ASIC2: variants seen among roughly 807,000 people sequenced by gnomAD.
ASIC2 encodes acid sensing ion channel subunit 2.
A neutral mutation model predicts 57.3 loss-of-function variants in ASIC2; 25 were observed. That is an observed-to-expected ratio of 0.44 (90% CI 0.32 to 0.61). ASIC2 has a LOEUF of 0.61. Among genes scored for constraint, ASIC2 ranks in the 20% least tolerant of loss-of-function variants. The probability of loss-of-function intolerance (pLI) is 0.06; values close to 1 mark genes in which losing one functional copy is unlikely to be tolerated. For synonymous variants in ASIC2, 319 were observed against 307.5 expected (o/e 1.04, Z -0.39); for missense variants, 641 against 738.1 (o/e 0.87, Z 1.52).
chr17:33,111,847 A>T, intron 2 of ASIC2, 70 bp downstream of exon 2: 1 of 1,540,120 alleles, frequency 6.5e-7, no homozygotes, highest in Non-Finnish European at 8.8e-7. Flanking sequence ...AAGACAGCTC[A>T]CCAGCCTTTC....
chr17:33,583,415 A>T (rs34479288), intron 1 of ASIC2, among the ~76,000 whole-genome samples: 43,594 of 151,946 alleles, frequency 0.29, 6,834 homozygotes, highest in African/African-American at 0.39. Context: ...TTATGTGTGG[A>T]CATTTCTCTG....
At chr17:33,220,838 C>A (rs1907662669) in intron 1 of ASIC2, among the ~76,000 whole-genome samples, 1 of 151,982 alleles carries the variant, frequency 6.6e-6, no homozygotes, top group African/African-American at 2.4e-5. Context: ...GGGGCCGAGG[C>A]GGGAAAATTG....
chr17:33,922,954 G>A (rs1186945972), intron 1 of ASIC2, among the ~76,000 whole-genome samples: 4 of 152,130 alleles, frequency 2.6e-5, no homozygotes, highest in African/African-American at 2.4e-5. Flanking sequence ...CCTCTAGAGC[G>A]CATTTGCTCC....
At chr17:33,557,696 A>C (rs900013004) in intron 1 of ASIC2, among the ~76,000 whole-genome samples, 2 of 152,196 alleles carry the variant, frequency 1.3e-5, no homozygotes, top group African/African-American at 4.8e-5. Flanking sequence ...ATATGATAAC[A>C]CCAATGATCT....
At chr17:33,645,291 A>G (rs1479784606) in intron 1 of ASIC2, among the ~76,000 whole-genome samples, 7 of 152,204 alleles carry the variant, frequency 4.6e-5, no homozygotes, top group Non-Finnish European at 1.0e-4. Flanking sequence ...CAGAGATGAC[A>G]AGAAAAAATG....
intron 1 of ASIC2, among the ~76,000 whole-genome samples, chr17:33,996,260 C>G (rs1466036223): frequency 6.6e-6 from 1 of 152,174 alleles, no homozygotes; most frequent in Non-Finnish European, 1.5e-5. Context: ...AACCCCTTAT[C>G]AGATGTATGG....
At chr17:33,359,023 C>T (rs1277016305) in intron 1 of ASIC2, among the ~76,000 whole-genome samples, 1 of 152,134 alleles carries the variant, frequency 6.6e-6, no homozygotes, top group Non-Finnish European at 1.5e-5. Context: ...GCCTCTTTGC[C>T]CCCCCTTTCT....
At chr17:33,116,220 T>C (rs1358224413) in intron 1 of ASIC2, among the ~76,000 whole-genome samples, 2 of 152,358 alleles carry the variant, frequency 1.3e-5, no homozygotes, top group East Asian at 3.9e-4. Flanking sequence ...CTCCCGCTCC[T>C]GCCTGGCTTT....
chr17:33,841,593 CA>C (rs1913440199), intron 1 of ASIC2, among the ~76,000 whole-genome samples: 1 of 152,168 alleles, frequency 6.6e-6, no homozygotes, highest in Admixed American at 6.5e-5. Context: ...CAGTGAGAAA[CA>C]GGCATTAGGA....
At chr17:33,112,595 C>T (rs2092264220) in intron 1 of ASIC2, 1 of 152,716 alleles carries the variant, frequency 6.5e-6, no homozygotes, top group Non-Finnish European at 1.5e-5. Context: ...CGCCATCTGC[C>T]AAGGGGTTCA....
At chr17:33,370,709 T>C (rs916097050) in intron 1 of ASIC2, among the ~76,000 whole-genome samples, 1 of 152,154 alleles carries the variant, frequency 6.6e-6, no homozygotes, top group African/African-American at 2.4e-5. Context: ...GGATTCTCTC[T>C]AGCACAGCAG....
At chr17:33,868,577 A>G (rs1914306976) in intron 1 of ASIC2, among the ~76,000 whole-genome samples, 1 of 152,192 alleles carries the variant, frequency 6.6e-6, no homozygotes, top group South Asian at 2.1e-4. Flanking sequence ...CTACAAGTAC[A>G]AGGAACAAAA....
intron 1 of ASIC2, among the ~76,000 whole-genome samples, chr17:33,583,099 T>G (rs187341353): frequency 1.3e-5 from 2 of 152,322 alleles, no homozygotes; most frequent in East Asian, 3.9e-4. Context: ...AGCAGCGGCT[T>G]GGTCTAAGGT....
At chr17:33,539,579 C>A (rs1339732047) in intron 1 of ASIC2, among the ~76,000 whole-genome samples, 2 of 152,272 alleles carry the variant, frequency 1.3e-5, no homozygotes, top group African/African-American at 2.4e-5. Context: ...GTGCAACCAT[C>A]GTGCATCACC....
chr17:33,357,743 G>C (rs1481909647), intron 1 of ASIC2, among the ~76,000 whole-genome samples: 2 of 152,286 alleles, frequency 1.3e-5, no homozygotes, highest in Non-Finnish European at 2.9e-5. Flanking sequence ...ATGTGGAGGA[G>C]AGTCATCTGT....
intron 1 of ASIC2, among the ~76,000 whole-genome samples, chr17:33,445,318 A>G (rs908718996): frequency 2.0e-5 from 3 of 152,134 alleles, no homozygotes; most frequent in African/African-American, 4.8e-5. Context: ...GTAATTCCAA[A>G]TACTTGGGAG....
intron 1 of ASIC2, among the ~76,000 whole-genome samples, chr17:33,547,361 T>C (rs1488314151): frequency 6.6e-6 from 1 of 152,204 alleles, no homozygotes; most frequent in East Asian, 1.9e-4. Flanking sequence ...TGAGTCTATA[T>C]GCATTACAGT....
intron 1 of ASIC2, among the ~76,000 whole-genome samples, chr17:33,971,760 G>A (rs1331016135): frequency 6.6e-6 from 1 of 152,030 alleles, no homozygotes; most frequent in African/African-American, 2.4e-5. Flanking sequence ...TACAGAGCTG[G>A]GACTCAAACT....
intron 1 of ASIC2, among the ~76,000 whole-genome samples, chr17:33,337,879 A>T (rs1275908619): frequency 6.6e-6 from 1 of 150,552 alleles, no homozygotes; most frequent in African/African-American, 2.5e-5. Flanking sequence ...AAGGGCAAAG[A>T]AAGTGGAAGT....
Sources: allele counts gnomAD v4.1 joint callset (sites outside exome capture counted in the v4.1 genomes callset), GRCh38; gene constraint gnomAD v4.1.1; transcripts MANE v1.5; gene names NCBI Gene and HGNC (gene_info 2026-07-23, HGNC 2026-07-21).